Variants in PXK observed in about 807,000 individuals in gnomAD.
PXK encodes the protein PX domain-containing protein kinase-like protein.
Under a neutral mutation model 84.7 loss-of-function variants are expected in PXK, and 35 were observed. The ratio of observed to expected loss-of-function variants is 0.41; its 90% CI spans 0.32 to 0.55. The LOEUF (loss-of-function observed/expected upper bound fraction) is 0.55. Among genes scored for constraint, PXK ranks in the 20% least tolerant of loss-of-function variants. The pLI is 0.21. For synonymous variants in PXK, 253 were observed against 260.8 expected, an observed-to-expected ratio of 0.97 and a Z score of 0.29; for missense variants, 634 against 699.7, an observed-to-expected ratio of 0.91 and a Z score of 1.06.
chr3:58,369,836 A>AC (rs1428634774), intron 3 of PXK, among the ~76,000 whole-genome samples: 43 of 152,100 alleles, frequency 2.8e-4, no homozygotes, highest in African/African-American at 9.9e-4. Context: ...AAAAAAAAAA[A>AC]AAAAACAAAA....
chr3:58,356,052 C>A (rs1378997704), intron 1 of PXK, among the ~76,000 whole-genome samples: 1 of 152,226 alleles, frequency 6.6e-6, no homozygotes, highest in Non-Finnish European at 1.5e-5. Flanking sequence ...ATTCCCAGCA[C>A]ATGATCAGTA....
At chr3:58,336,298 G>C (rs2097607821) in intron 1 of PXK, among the ~76,000 whole-genome samples, 1 of 151,856 alleles carries the variant, frequency 6.6e-6, no homozygotes, top group African/African-American at 2.4e-5. Flanking sequence ...TCACCAGAAG[G>C]ATGAAGGGAA....
chr3:58,338,723 TC>T (rs1456814170), intron 1 of PXK, among the ~76,000 whole-genome samples: 18 of 151,118 alleles, frequency 1.2e-4, no homozygotes, highest in Admixed American at 9.9e-4. Context: ...TCTTGCTCTG[TC>T]CCCCAGGTGG....
In PXK at chr3:58,364,666, C is replaced by A. The variant is rs978365186; in HGVS notation, c.103-1208C>A. Among the ~76,000 whole-genome samples the A allele has an allele frequency of 6.6e-6, 1 of 151,750 alleles. No individual in the cohort carries two copies. The highest frequency in any genetic ancestry group is 2.4e-5 in the African/African-American group (1 of 41,262). On this transcript the variant is annotated intron_variant, in intron 1 of 17. Coordinates refer to ENST00000356151, the MANE Select transcript of PXK (RefSeq NM_017771.5). This position sits in a 1 kb window ranked among gnomAD's most constrained non-coding sequence, Gnocchi z 4.3. Reference sequence around the variant, plus strand: ...GGCGGAAGTGGCAGTGAGCTGAGATCGTGCCACTGCACTCCAGCCTGGGTG... The same window carrying A: ...GGCGGAAGTGGCAGTGAGCTGAGATAGTGCCACTGCACTCCAGCCTGGGTG...
In PXK at chr3:58,333,038, C is replaced by G. The variant is rs562002198; in HGVS notation, c.50C>G (p.Thr17Arg). The G allele has an allele frequency of 7.4e-7, 1 of 1,353,378 alleles. No homozygotes were observed. Among genetic ancestry groups the G allele is most frequent in the Non-Finnish European group, 9.6e-7 (1 of 1,038,768 alleles). 83.8% of individuals were successfully genotyped at this position (1,353,378 alleles called of 1,614,324 possible). The change falls in exon 1 of 18, where the codon ACG becomes AGG. Residue 17 changes from threonine (T) to arginine (R), a missense_variant. Transcript: ENST00000356151. This position sits in a 1 kb window ranked among gnomAD's most constrained non-coding sequence, Gnocchi z 5.4. The part of the protein sequence containing the change: ...PPAGKVLLDD[T>R]VPLTAAIEAS... ...GCCGGCAAGGTGCTGCTGGACGACA[C>G]GGTGCCGCTGACAGCAGCCATCGAG...
At chr3:58,404,322 C>G (rs1241563201) in intron 13 of PXK, among the ~76,000 whole-genome samples, 4 of 152,162 alleles carry the variant, frequency 2.6e-5, no homozygotes, top group Non-Finnish European at 5.9e-5. Context: ...TAGCTGTTAT[C>G]TACAGCAGGG....
rs9790298 is a variant in PXK at position 58,404,773 on chromosome 3, A to G, written c.1230+863A>G. Among the ~76,000 whole-genome samples the G allele has an allele frequency of 1.5e-3, 226 of 152,340 alleles. 4 individuals are homozygous for G. In the East Asian group the frequency reaches 0.04, roughly 27 times the overall value. On this transcript the variant is annotated intron_variant, in intron 13 of 17. Transcript: ENST00000356151. ...ATATTCCAAAAGAACATGTAATACT[A>G]TTAGGATGAAAATAAATTTAGAAAA...
At position 58,397,799 on chromosome 3, in the gene PXK, A is replaced by G; in HGVS notation, c.1102+77A>G. ...ACTCATCCCCTTTCCAGAGTCCAGG[A>G]AAGACCCAGAGGAAGTTGCTGTCCT... On this transcript the variant is annotated intron_variant, in intron 11 of 17. Transcript: ENST00000356151. The surrounding 1 kb of genome is among the most constrained non-coding windows in gnomAD (Gnocchi z 4.7). 6 of 1,215,250 alleles carry G rather than the reference A, an allele frequency of 4.9e-6. No homozygotes were observed. Among genetic ancestry groups the G allele is most frequent in the Non-Finnish European group, 5.9e-6 (5 of 845,136 alleles). The allele number at this position is 1,215,250 out of a possible 1,614,324, so 75.3% of individuals were successfully genotyped here.
intron 3 of PXK, 22 bp from the exon 4 acceptor site, chr3:58,382,492 C>CTTTTTTTT: frequency 7.8e-7 from 1 of 1,281,258 alleles, no homozygotes; most frequent in Non-Finnish European, 1.0e-6. Flanking sequence ...ATGAGTGTAA[C>CTTTTTTTT]TTTTTTTTTT....
chr3:58,376,498 G>GT (rs1320332438), intron 3 of PXK, among the ~76,000 whole-genome samples: 3 of 152,118 alleles, frequency 2.0e-5, no homozygotes, highest in African/African-American at 7.2e-5. Flanking sequence ...GTCCCAGTTT[G>GT]TAAGAACCTA....
chr3:58,366,562 G>A (rs906822486), intron 2 of PXK, among the ~76,000 whole-genome samples: 4 of 151,982 alleles, frequency 2.6e-5, no homozygotes, highest in African/African-American at 7.3e-5. Flanking sequence ...CCACCTCCCC[G>A]CAACACTTCT....
intron 9 of PXK, among the ~76,000 whole-genome samples, chr3:58,396,283 A>G (rs780446365): frequency 1.3e-5 from 2 of 152,198 alleles, no homozygotes; most frequent in Non-Finnish European, 2.9e-5. Flanking sequence ...ATGTGTGTAT[A>G]TATATTATAT....
At chr3:58,355,628 A>G (rs2098059555) in intron 1 of PXK, among the ~76,000 whole-genome samples, 5 of 152,174 alleles carry the variant, frequency 3.3e-5, no homozygotes, top group Admixed American at 3.3e-4. Context: ...CCTTTCAGAA[A>G]CTCAGGAAAA....
rs946067689 is a variant in PXK, at chr3:58,409,467, G to C, written c.1309-65G>C. ...AAAATGTGGTTTGCCAAAACATGTT[G>C]GAGAAGATTTTCATTAGGAAGCTGC... On this transcript the variant is annotated intron_variant, in intron 14 of 17. Coordinates refer to ENST00000356151, the MANE Select transcript of PXK (RefSeq NM_017771.5). This position sits in a 1 kb window ranked among gnomAD's most constrained non-coding sequence, Gnocchi z 4.2. 1 of 1,432,186 alleles carries C rather than the reference G, an allele frequency of 7.0e-7. No homozygotes were observed. Among genetic ancestry groups the C allele is most frequent in the Non-Finnish European group, 9.7e-7 (1 of 1,030,148 alleles). 88.7% of individuals were successfully genotyped at this position (1,432,186 alleles called of 1,614,324 possible). A position where few individuals can be genotyped will look rare whatever the true frequency, so the allele number is the denominator to read the frequency against.
chr3:58,404,425 C>T (rs1382530301), intron 13 of PXK, among the ~76,000 whole-genome samples: 1 of 152,176 alleles, frequency 6.6e-6, no homozygotes, highest in African/African-American at 2.4e-5. Flanking sequence ...GCATCCCTAA[C>T]CTCACCACTA....
In PXK at chr3:58,403,879, T is replaced by C. The variant is rs1444573090; in HGVS notation, c.1199T>C (p.Leu400Ser). 1 of 1,546,940 alleles carries C rather than the reference T, an allele frequency of 6.5e-7. No homozygotes were observed. Among genetic ancestry groups the C allele is most frequent in the Non-Finnish European group, 8.8e-7 (1 of 1,137,112 alleles). The change falls in exon 13 of 18, where the codon TTA (leucine) becomes TCA (serine). Residue 400 changes from leucine (L) to serine (S), a missense_variant. Around this residue, in one of 3 missense-constraint regions of PXK, gnomAD observed 273 missense variants for 283.6 expected, o/e 0.96. Transcript: ENST00000356151. ...LLQMPLFSDV[L>S]LTTSEKPQFK... ...CTTTACAGATTATTCAGCGATGTTT[T>C]ACTAACCACTTCTGAAAAACCACAG...
chr3:58,417,550 T>A (rs1451155821), intron 17 of PXK, among the ~76,000 whole-genome samples: 1 of 152,202 alleles, frequency 6.6e-6, no homozygotes, highest in Non-Finnish European at 1.5e-5. Context: ...TCTTTAAGTC[T>A]GCTGGCAGTT....
rs558929664 is a variant in PXK at position 58,385,688 on chromosome 3, G to A, written c.388+2988G>A. Among the ~76,000 whole-genome samples, 4 of 152,258 alleles carry A rather than the reference G, an allele frequency of 2.6e-5. No individual in the cohort carries two copies. The highest frequency in any genetic ancestry group is 9.6e-5 in the African/African-American group (4 of 41,534). ...TAATTTTTTCATTGTTTGTAGAGAGGGGGTTTCACTATGTTGACTAGGCTG... is the reference window on the plus strand; with the variant it reads ...TAATTTTTTCATTGTTTGTAGAGAGAGGGTTTCACTATGTTGACTAGGCTG... On this transcript the variant is annotated intron_variant, in intron 4 of 17. Transcript: ENST00000356151. This position sits in a 1 kb window ranked among gnomAD's most constrained non-coding sequence, Gnocchi z 5.1.
chr3:58,338,377 C>T (rs1348005730), intron 1 of PXK, among the ~76,000 whole-genome samples: 1 of 151,664 alleles, frequency 6.6e-6, no homozygotes, highest in Non-Finnish European at 1.5e-5. Context: ...AATCCTAGCA[C>T]TTTGGGAGGC....
Sources: gnomAD v4.1 joint callset for allele counts (sites outside exome capture counted in the v4.1 genomes callset) on GRCh38, gnomAD v4.1.1 for gene constraint, gnomAD v4.1.1 regional missense constraint, Gnocchi (gnomAD v3.1) non-coding constraint, MANE v1.5 for transcripts, NCBI Gene and HGNC (gene_info 2026-07-23, HGNC 2026-07-21) for gene names.